The following ADCY1 variants were observed in gnomAD, a reference collection of about 807,000 sequenced individuals.
ADCY1 encodes adenylate cyclase type 1.
A neutral mutation model predicts 105.4 loss-of-function variants in ADCY1; 28 were observed. The observed-to-expected ratio is 0.27, with a 90% CI of 0.20 to 0.36. The LOEUF (loss-of-function observed/expected upper bound fraction) is 0.36. ADCY1 is among the 10% of genes least tolerant of loss of function. ADCY1 has a pLI of 1.00. For synonymous variants in ADCY1, 655 were observed against 623.8 expected (o/e 1.05, Z -0.75); for missense variants, 977 against 1,434.2 (o/e 0.68, Z 5.15).
chr7:45,710,666 G>T lies in ADCY1; in HGVS notation c.3057+14G>T. 6.2e-7 allele frequency: 1 copy of T among 1,608,420 alleles called. No individual in the cohort carries two copies. The highest frequency in any genetic ancestry group is 8.5e-7 in the Non-Finnish European group (1 of 1,177,668). ...GGCAGAATCCAGGTCAGTTCACCAA[G>T]AAACCCCTAAGGCATGGGTGCCCAT... On this transcript the variant is annotated intron_variant, in intron 19 of 19. Coordinates refer to ENST00000297323, the MANE Select transcript of ADCY1 (RefSeq NM_021116.4). This position sits in a 1 kb window ranked among gnomAD's most constrained non-coding sequence, Gnocchi z 4.7.
intron 14 of ADCY1, among the ~76,000 whole-genome samples, chr7:45,700,463 G>C (rs1366541715): frequency 6.6e-6 from 1 of 152,178 alleles, no homozygotes; most frequent in South Asian, 2.1e-4. Flanking sequence ...CTGCTGCTGT[G>C]CTTGGAGAAG....
In ADCY1 at chr7:45,610,501, G is replaced by A. The variant is rs1793504527; in HGVS notation, c.908+4G>A. 2 of 1,612,538 alleles carry A rather than the reference G, an allele frequency of 1.2e-6. No individual in the cohort carries two copies. The highest frequency in any genetic ancestry group is 1.7e-6 in the Non-Finnish European group (2 of 1,178,844). ...TCCAGAGGCACGACAATGTGAGGTAGGGCTGGTGCTGACCCGGCACAGCGG... is the reference window on the plus strand; with the variant it reads ...TCCAGAGGCACGACAATGTGAGGTAAGGCTGGTGCTGACCCGGCACAGCGG... On this transcript the variant is annotated splice_donor_region_variant and intron_variant, in intron 3 of 19. Transcript: ENST00000297323.
intron 4 of ADCY1, among the ~76,000 whole-genome samples, chr7:45,624,802 T>C (rs920585908): frequency 1.3e-5 from 2 of 152,196 alleles, no homozygotes; most frequent in Admixed American, 6.5e-5. Flanking sequence ...GGGAACTTTT[T>C]TCTGGAGGGT....
rs563638789 is a variant in ADCY1 at position 45,715,929 on chromosome 7, A to T, written c.*1934A>T. The T allele has an allele frequency of 6.6e-6, 1 of 152,654 alleles. No homozygotes were observed. The highest frequency in any genetic ancestry group is 1.9e-4 in the East Asian group (1 of 5,170). 9.5% of individuals were successfully genotyped at this position (152,654 alleles called of 1,614,324 possible). On this transcript the variant is annotated 3_prime_UTR_variant, in exon 20 of 20. Coordinates refer to ENST00000297323, the MANE Select transcript of ADCY1 (RefSeq NM_021116.4). ...GACACCTTCTTGCAGAGTGATTTTG[A>T]CCAATGCCTTTCCAGCACCTTCCCC...
At chr7:45,706,527 G>GA (rs1402283463) in intron 17 of ADCY1, among the ~76,000 whole-genome samples, 1 of 135,482 alleles carries the variant, frequency 7.4e-6, no homozygotes, top group Non-Finnish European at 1.6e-5. Context: ...TATAGATGCA[G>GA]ACTTTACACC....
chr7:45,677,826 T>C (rs766440742), intron 8 of ADCY1, 43 bp from the exon 9 acceptor site: 5 of 1,583,208 alleles, frequency 3.2e-6, no homozygotes, highest in South Asian at 1.1e-5. Flanking sequence ...CTTCAATAAG[T>C]GGAGAATTTG....
chr7:45,627,663 A>G (rs530954111), intron 4 of ADCY1, among the ~76,000 whole-genome samples: 1 of 152,274 alleles, frequency 6.6e-6, no homozygotes, highest in Admixed American at 6.5e-5. Context: ...GTGGCCTACA[A>G]CAGGCACTTT....
intron 8 of ADCY1, among the ~76,000 whole-genome samples, chr7:45,671,541 A>C (rs1047965717): frequency 6.6e-6 from 1 of 152,100 alleles, no homozygotes; most frequent in African/African-American, 2.4e-5. Flanking sequence ...TCCCCAGTGT[A>C]TGAAGGATCC....
Position 45,645,408 on chromosome 7 carries a change from C to G in ADCY1, c.1021-3262C>G, listed in dbSNP as rs1189631167. On this transcript the variant is annotated intron_variant, in intron 4 of 19. Coordinates refer to ENST00000297323, the MANE Select transcript of ADCY1 (RefSeq NM_021116.4). ...CTTTTCTGCGGTGGCCATGCCAAGTCTTGGTGTCAAATAGGATAGTTGGGT... is the reference window on the plus strand; with the variant it reads ...CTTTTCTGCGGTGGCCATGCCAAGTGTTGGTGTCAAATAGGATAGTTGGGT... Among the ~76,000 whole-genome samples the G allele has an allele frequency of 2.6e-5, 4 of 152,230 alleles. No individual in the cohort carries two copies. In the East Asian group the frequency reaches 7.8e-4, roughly 30 times the overall value.
chr7:45,618,619 T>C (rs1344991590), intron 3 of ADCY1, among the ~76,000 whole-genome samples: 1 of 152,148 alleles, frequency 6.6e-6, no homozygotes, highest in Admixed American at 6.5e-5. Context: ...GATAAAATGG[T>C]CAGCATCACT....
intron 5 of ADCY1, among the ~76,000 whole-genome samples, chr7:45,654,160 A>C (rs1037110441): frequency 2.6e-5 from 4 of 152,246 alleles, no homozygotes; most frequent in African/African-American, 9.6e-5. Flanking sequence ...CCAATATGGC[A>C]GGATTCTATC....
At chr7:45,607,738 C>T (rs140551795) in intron 2 of ADCY1, among the ~76,000 whole-genome samples, 41 of 152,298 alleles carry the variant, frequency 2.7e-4, no homozygotes, top group East Asian at 9.6e-4. Flanking sequence ...TCAGTGGCCT[C>T]CAGCTGCATC....
chr7:45,697,165 G>T (rs1171221954), intron 14 of ADCY1, among the ~76,000 whole-genome samples: 1 of 152,122 alleles, frequency 6.6e-6, no homozygotes, highest in Non-Finnish European at 1.5e-5. Context: ...GGTATAAGTG[G>T]ATATTCAAAG....
At chr7:45,619,628 C>T (rs1225126675) in intron 3 of ADCY1, among the ~76,000 whole-genome samples, 2 of 151,940 alleles carry the variant, frequency 1.3e-5, no homozygotes, top group African/African-American at 4.8e-5. Context: ...ATTACTGTAA[C>T]CTAAGTAAGA....
In ADCY1 at chr7:45,686,609, C is replaced by T. The variant is rs368337715; in HGVS notation, c.2390C>T (p.Ala797Val). 29 of 1,613,612 alleles carry T rather than the reference C, an allele frequency of 1.8e-5. No homozygotes were observed. The highest frequency in any genetic ancestry group is 6.7e-5 in the East Asian group (3 of 44,872). ...GTGGCCATCCTGCTCTTCTCCTGTG[C>T]GCTGGCCCTGCATGCCAGGCAGGTG... ...PIVAILLFSC[A>V]LALHARQVDI... The change falls in exon 14 of 20, where the codon GCG becomes GTG. Residue 797 changes from alanine (A) to valine (V), a missense_variant. Physicochemically the swap from Ala to Val is moderately conservative, Grantham distance 64. Transcript: ENST00000297323. The surrounding 1 kb of genome is among the most constrained non-coding windows in gnomAD (Gnocchi z 4.3).
chr7:45,599,831 G>A (rs1298587894), intron 2 of ADCY1, among the ~76,000 whole-genome samples: 2 of 152,146 alleles, frequency 1.3e-5, no homozygotes, highest in African/African-American at 4.8e-5. Context: ...TCACCATGTT[G>A]GTCAGGCTGG....
chr7:45,706,492 C>CAAAAAAAAAA (rs58794109), intron 17 of ADCY1, among the ~76,000 whole-genome samples: 32 of 59,416 alleles, frequency 5.4e-4, no homozygotes, highest in African/African-American at 7.7e-4. Flanking sequence ...ACATCACATG[C>CAAAAAAAAAA]AAAAAAAAAA....
Position 45,574,794 on chromosome 7 carries a change from CG to C in ADCY1, c.255del (p.Ala87ArgfsTer22). 6.4e-7 allele frequency: 1 copy of C among 1,556,440 alleles called. No individual in the cohort carries two copies. On this transcript the variant is annotated frameshift_variant, in exon 1 of 20. Coordinates refer to ENST00000297323, the MANE Select transcript of ADCY1 (RefSeq NM_021116.4). LOFTEE classifies it high-confidence loss of function. This position sits in a 1 kb window ranked among gnomAD's most constrained non-coding sequence, Gnocchi z 7.0. Reference protein sequence around the residue: ...ALALAELLGAPGPAPGLAKGS... With the variant: ...ALALAELLGAXGPAPGLAKGS... Reference sequence around the variant, plus strand: ...GCGCTGGCCGAGCTGCTGGGCGCGCCGGGGCCCGCGCCCGGCCTGGCCAAGG... The same window carrying C: ...GCGCTGGCCGAGCTGCTGGGCGCGCCGGGCCCGCGCCCGGCCTGGCCAAGG...
intron 17 of ADCY1, among the ~76,000 whole-genome samples, chr7:45,707,919 C>T (rs1785151554): frequency 6.6e-6 from 1 of 152,230 alleles, no homozygotes; most frequent in East Asian, 1.9e-4. Flanking sequence ...ACAACTGTTA[C>T]TGTTTCACAA....
Sources: gnomAD v4.1 joint callset for allele counts (sites outside exome capture counted in the v4.1 genomes callset) on GRCh38, gnomAD v4.1.1 for gene constraint, Gnocchi (gnomAD v3.1) non-coding constraint, MANE v1.5 for transcripts, NCBI Gene and HGNC (gene_info 2026-07-23, HGNC 2026-07-21) for gene names.